Variants in PPP1R16B observed in about 807,000 individuals in gnomAD.
The protein encoded by PPP1R16B is protein phosphatase 1 regulatory inhibitor subunit 16B.
In PPP1R16B, 14 loss-of-function variants were observed where a neutral mutation model predicts 61.7. The observed-to-expected ratio is 0.23, with a 90% CI of 0.15 to 0.35. The LOEUF is 0.35. PPP1R16B is among the 10% of genes least tolerant of loss of function. The probability of loss-of-function intolerance (pLI) is 1.00; values close to 1 mark genes in which losing one functional copy is unlikely to be tolerated. For missense variants in PPP1R16B, 547 were observed against 752.5 expected (o/e 0.73, Z 3.19); for synonymous variants, 266 against 305.3 (o/e 0.87, Z 1.34).
intron 2 of PPP1R16B, among the ~76,000 whole-genome samples, chr20:38,887,940 C>G (rs1395859663): frequency 6.6e-6 from 1 of 152,220 alleles, no homozygotes; most frequent in Non-Finnish European, 1.5e-5. Context: ...TGTACCCCCA[C>G]CCCATCCACT....
Position 38,889,647 on chromosome 20 carries a change from A to T in PPP1R16B, c.303A>T (p.Gly101=), listed in dbSNP as rs1346957757. 4 of 1,596,366 alleles carry T rather than the reference A, an allele frequency of 2.5e-6. No individual in the cohort carries two copies. Among genetic ancestry groups the T allele is most frequent in the Non-Finnish European group, 3.4e-6 (4 of 1,163,932 alleles). The part of the protein sequence containing the change: ...KVSPDLCNED[G]LTALHQCCID... Reference sequence around the variant, plus strand: ...GCCCTGATTTGTGCAATGAGGACGGACTCACAGCCCTACACCAGGTAAGGC... The same window carrying T: ...GCCCTGATTTGTGCAATGAGGACGGTCTCACAGCCCTACACCAGGTAAGGC... Residue 101 remains glycine (G), a synonymous_variant, in exon 3 of 11, where the codon GGA becomes GGT. Transcript: ENST00000299824.
At chr20:38,868,542 G>T (rs915082116) in intron 2 of PPP1R16B, among the ~76,000 whole-genome samples, 2 of 152,012 alleles carry the variant, frequency 1.3e-5, no homozygotes, top group Admixed American at 6.6e-5. Flanking sequence ...ATGCCACCTC[G>T]CCTGGCTAGT....
intron 1 of PPP1R16B, among the ~76,000 whole-genome samples, chr20:38,825,968 T>G (rs1187687948): frequency 6.6e-6 from 1 of 152,174 alleles, no homozygotes; most frequent in South Asian, 2.1e-4. Context: ...ATCCCTCTCC[T>G]CACAGTGCAC....
intron 1 of PPP1R16B, among the ~76,000 whole-genome samples, chr20:38,816,571 C>G (rs1381083202): frequency 1.3e-5 from 2 of 152,210 alleles, no homozygotes; most frequent in Non-Finnish European, 2.9e-5. Flanking sequence ...GTCGACCCAC[C>G]TGGGGGGAAC....
chr20:38,872,662 C>A (rs1290601456), intron 2 of PPP1R16B: 2 of 152,536 alleles, frequency 1.3e-5, no homozygotes, highest in Non-Finnish European at 2.9e-5. Context: ...TCACTGAGAA[C>A]CACTGGGCTA....
rs2145698548 is a variant in PPP1R16B, at chr20:38,806,868, C to G, written c.-102+1076C>G. 6.6e-6 allele frequency among the ~76,000 whole-genome samples: 1 copy of G among 152,336 alleles called. No homozygotes were observed. The highest frequency in any genetic ancestry group is 1.9e-4 in the East Asian group (1 of 5,160). On this transcript the variant is annotated intron_variant, in intron 1 of 10. Coordinates refer to ENST00000299824, the MANE Select transcript of PPP1R16B (RefSeq NM_015568.4). The surrounding 1 kb of genome is among the most constrained non-coding windows in gnomAD (Gnocchi z 4.5). ...CGCGCGCCAGGCCTGGGTCCCGGTG[C>G]TCCCGGGCACCTCAGGAGCGGAGGG...
At chr20:38,882,162 T>C (rs976929552) in intron 2 of PPP1R16B, among the ~76,000 whole-genome samples, 4 of 152,138 alleles carry the variant, frequency 2.6e-5, no homozygotes, top group African/African-American at 7.2e-5. Context: ...TGCTGGGCTG[T>C]AGAAAGAGCA....
At position 38,857,018 on chromosome 20, in the gene PPP1R16B, C is replaced by T. The variant is rs62202525; in HGVS notation, c.250+20843C>T. On this transcript the variant is annotated intron_variant, in intron 2 of 10. Coordinates refer to ENST00000299824, the MANE Select transcript of PPP1R16B (RefSeq NM_015568.4). ...AGAAACAATTCAAATGCTCATGGTC[C>T]CCACCTACGGTGGGCACAGCCACCT... 2.6e-5 allele frequency among the ~76,000 whole-genome samples: 4 copies of T among 152,274 alleles called. No individual in the cohort carries two copies. In the East Asian group the frequency reaches 7.7e-4, roughly 29 times the overall value.
At chr20:38,866,126 G>GA (rs1351608010) in intron 2 of PPP1R16B, among the ~76,000 whole-genome samples, 2 of 150,212 alleles carry the variant, frequency 1.3e-5, no homozygotes, top group Admixed American at 1.3e-4. Flanking sequence ...TCTTGTCTCG[G>GA]AGAAAAAAAA....
At chr20:38,893,758 C>T (rs1345284304) in intron 3 of PPP1R16B, among the ~76,000 whole-genome samples, 7 of 152,044 alleles carry the variant, frequency 4.6e-5, no homozygotes, top group Admixed American at 3.9e-4. Context: ...GTAGACTGGT[C>T]CAGCCCCTGG....
Position 38,918,038 on chromosome 20 carries a change from C to T in PPP1R16B, c.1195-119C>T. On this transcript the variant is annotated intron_variant, in intron 10 of 10. Coordinates refer to ENST00000299824, the MANE Select transcript of PPP1R16B (RefSeq NM_015568.4). This position sits in a 1 kb window ranked among gnomAD's most constrained non-coding sequence, Gnocchi z 5.3. The stretch of plus-strand genomic sequence containing the variant: ...CAAAGGAAAACCCTGGCCCCGATAC[C>T]CAGGGAGAGAAAACAGATAGAGGAA... 1 of 1,363,404 alleles carries T rather than the reference C, an allele frequency of 7.3e-7. No homozygotes were observed. The highest frequency in any genetic ancestry group is 1.0e-6 in the Non-Finnish European group (1 of 995,172). 84.5% of individuals were successfully genotyped at this position (1,363,404 alleles called of 1,614,324 possible).
chr20:38,911,625 C>G (rs1437609416), intron 10 of PPP1R16B, among the ~76,000 whole-genome samples: 7 of 151,808 alleles, frequency 4.6e-5, no homozygotes, highest in African/African-American at 1.5e-4. Context: ...CAACCTCTGC[C>G]TCCCAGGATC....
At chr20:38,913,035 A>C (rs1393982994) in intron 10 of PPP1R16B, among the ~76,000 whole-genome samples, 1 of 152,034 alleles carries the variant, frequency 6.6e-6, no homozygotes, top group East Asian at 1.9e-4. Context: ...ATGCCCAGCT[A>C]ATTTTTGTGT....
chr20:38,861,790 C>T (rs1422405395), intron 2 of PPP1R16B, among the ~76,000 whole-genome samples: 2 of 151,306 alleles, frequency 1.3e-5, no homozygotes, highest in African/African-American at 4.9e-5. Flanking sequence ...GATTCTCTTG[C>T]CTCGGCCTCC....
rs762012278 is a variant in PPP1R16B, at chr20:38,906,460, A to AT, written c.822+372dup. Among the ~76,000 whole-genome samples the AT allele has an allele frequency of 1.3e-3, 191 of 151,630 alleles. 2 individuals carry two copies. The highest frequency in any genetic ancestry group is 9.6e-4 in the Non-Finnish European group (65 of 67,872). ...AGGCATGTGCCACCATGCCCAGCTA[A>AT]TTTTTTGTATTTTTAGTAGAGACAG... is the stretch of plus-strand genomic sequence containing the variant. On this transcript the variant is annotated intron_variant, in intron 7 of 10. Coordinates refer to ENST00000299824, the MANE Select transcript of PPP1R16B (RefSeq NM_015568.4).
chr20:38,900,752 T>C, intron 5 of PPP1R16B, 68 bp downstream of exon 5: 1 of 1,258,520 alleles, frequency 7.9e-7, no homozygotes, highest in Non-Finnish European at 1.1e-6. Flanking sequence ...CTTAAATCAA[T>C]GCAGGCGAAC....
At position 38,817,871 on chromosome 20, in the gene PPP1R16B, C is replaced by T. The variant is rs1004382320; in HGVS notation, c.-102+12079C>T. Among the ~76,000 whole-genome samples, 7 of 152,094 alleles carry T rather than the reference C, an allele frequency of 4.6e-5. 1 individual carries two copies. Among genetic ancestry groups the T allele is most frequent in the Non-Finnish European group, 8.8e-5 (6 of 68,016 alleles). On this transcript the variant is annotated intron_variant, in intron 1 of 10. Coordinates refer to ENST00000299824, the MANE Select transcript of PPP1R16B (RefSeq NM_015568.4). ...CATCCTGGCTAACACGGTGAAACCC[C>T]GTCTCCACTAAAAATACAAAAAATT...
intron 2 of PPP1R16B, among the ~76,000 whole-genome samples, chr20:38,863,267 G>A (rs2085066629): frequency 6.6e-6 from 1 of 152,164 alleles, no homozygotes; most frequent in South Asian, 2.1e-4. Flanking sequence ...ACCCTGGTCT[G>A]ACCGCAGAGA....
chr20:38,835,792 A>G, intron 1 of PPP1R16B, 33 bp from the exon 2 acceptor site: 2 of 1,085,742 alleles, frequency 1.8e-6, no homozygotes, highest in Non-Finnish European at 2.6e-6. Flanking sequence ...AGTCTGACAC[A>G]TGTGTTCATC....
Sources: gnomAD v4.1 joint callset for allele counts (sites outside exome capture counted in the v4.1 genomes callset) on GRCh38, gnomAD v4.1.1 for gene constraint, Gnocchi (gnomAD v3.1) non-coding constraint, MANE v1.5 for transcripts, NCBI Gene and HGNC (gene_info 2026-07-23, HGNC 2026-07-21) for gene names.